The following COMMD10 variants were observed in gnomAD, a reference collection of about 807,000 sequenced individuals.
COMMD10 encodes the protein COMM domain containing 10.
A neutral mutation model predicts 28.9 loss-of-function variants in COMMD10; 33 were observed. The ratio of observed to expected loss-of-function variants is 1.14; its 90% CI spans 0.87 to 1.53. The LOEUF is 1.53. Ranked by LOEUF, COMMD10 falls within the 40% of genes most tolerant of loss-of-function variation. The pLI is 0.00. For synonymous variants in COMMD10, 110 were observed against 81.7 expected, an observed-to-expected ratio of 1.35 and a Z score of -1.87; for missense variants, 310 against 233.4, an observed-to-expected ratio of 1.33 and a Z score of -2.14.
intron 5 of COMMD10, among the ~76,000 whole-genome samples, chr5:116,230,919 C>T (rs1749513788): frequency 6.6e-6 from 1 of 152,050 alleles, no homozygotes; most frequent in Non-Finnish European, 1.5e-5. Context: ...CTGTCTTCCT[C>T]CTGGCTTTCC....
chr5:116,094,745 C>T (rs1394622049), intron 4 of COMMD10, among the ~76,000 whole-genome samples: 2 of 151,954 alleles, frequency 1.3e-5, no homozygotes, highest in Non-Finnish European at 2.9e-5. Flanking sequence ...ACACTGTTCA[C>T]AATAGCAAAG....
At chr5:116,281,825 C>G (rs1392391424) in intron 5 of COMMD10, among the ~76,000 whole-genome samples, 2 of 151,840 alleles carry the variant, frequency 1.3e-5, no homozygotes, top group African/African-American at 4.9e-5. Context: ...TGATATTCAA[C>G]ATTTATTGAA....
chr5:116,127,415 C>G (rs1751691999), intron 4 of COMMD10, among the ~76,000 whole-genome samples: 1 of 152,148 alleles, frequency 6.6e-6, no homozygotes, highest in South Asian at 2.1e-4. Flanking sequence ...ACCCAGCCAT[C>G]CCATTACTAG....
chr5:116,113,433 A>G (rs114248693), intron 4 of COMMD10, among the ~76,000 whole-genome samples: 1 of 146,274 alleles, frequency 6.8e-6, no homozygotes, highest in African/African-American at 2.6e-5. Context: ...AATACCAGTA[A>G]TTCATAAGTT....
At position 116,224,692 on chromosome 5, in the gene COMMD10, A is replaced by C. The variant is rs1237250700; in HGVS notation, c.511-66825A>C. ...CCCCAAGCCCCAAACACCTCCCTCT[A>C]GGCCCACCTCCAGCATTAGACATCC... On this transcript the variant is annotated intron_variant, in intron 5 of 6. Coordinates refer to ENST00000274458, the MANE Select transcript of COMMD10 (RefSeq NM_016144.4). Among the ~76,000 whole-genome samples, 4 of 152,294 alleles carry C rather than the reference A, an allele frequency of 2.6e-5. No individual in the cohort carries two copies. The East Asian group carries it at 7.7e-4, about 29-fold the overall frequency.
chr5:116,131,514 A>G (rs777002672), intron 4 of COMMD10, among the ~76,000 whole-genome samples: 10 of 152,006 alleles, frequency 6.6e-5, no homozygotes, highest in Non-Finnish European at 1.3e-4. Context: ...TGGAAATACA[A>G]CTTTTTTTCT....
chr5:116,248,728 A>C (rs1327166763), intron 5 of COMMD10, among the ~76,000 whole-genome samples: 1 of 151,894 alleles, frequency 6.6e-6, no homozygotes, highest in African/African-American at 2.4e-5. Flanking sequence ...TTCCTTTTCT[A>C]CCAACTTTAA....
At chr5:116,123,800 G>A (rs551343443) in intron 4 of COMMD10, among the ~76,000 whole-genome samples, 1 of 152,156 alleles carries the variant, frequency 6.6e-6, no homozygotes, top group Non-Finnish European at 1.5e-5. Context: ...AGTCTTGGGA[G>A]GGTGTATGTG....
At position 116,116,630 on chromosome 5, in the gene COMMD10, T is replaced by C. The variant is rs148981372; in HGVS notation, c.400-17438T>C. ...TATGCTTAAATTCACTGACTATACG[T>C]GGTTGTGAGCTTTAAATGCTGCTAT... is the stretch of plus-strand genomic sequence containing the variant. On this transcript the variant is annotated intron_variant, in intron 4 of 6. Transcript: ENST00000274458. 2.6e-3 allele frequency among the ~76,000 whole-genome samples: 400 copies of C among 152,250 alleles called. 1 individual carries two copies. The highest frequency in any genetic ancestry group is 4.7e-3 in the Non-Finnish European group (317 of 68,018).
intron 5 of COMMD10, among the ~76,000 whole-genome samples, chr5:116,170,590 A>G (rs984764466): frequency 1.3e-5 from 2 of 152,324 alleles, no homozygotes; most frequent in South Asian, 2.1e-4. Context: ...AAACTATACT[A>G]CAAGGCTACA....
chr5:116,128,051 T>G (rs556271923), intron 4 of COMMD10, among the ~76,000 whole-genome samples: 24 of 152,228 alleles, frequency 1.6e-4, no homozygotes, highest in African/African-American at 5.3e-4. Context: ...ATTCTTGCTG[T>G]GGGACATAGT....
At chr5:116,149,869 CA>C (rs1752461305) in intron 5 of COMMD10, among the ~76,000 whole-genome samples, 1 of 150,662 alleles carries the variant, frequency 6.6e-6, no homozygotes, top group Non-Finnish European at 1.5e-5. Context: ...AATTAGATCC[CA>C]TTTGTCAATT....
chr5:116,274,874 G>T lies in COMMD10; in HGVS notation c.511-16643G>T, dbSNP rs570827811. Among the ~76,000 whole-genome samples, 26 of 151,810 alleles carry T rather than the reference G, an allele frequency of 1.7e-4. No homozygotes were observed. In the East Asian group the frequency reaches 4.8e-3, roughly 28 times the overall value. ...TTGTGTTACTATAGCTCTAATTTCTGTCTGTTTTTCTCCCTCCTGAGCACT... is the reference window on the plus strand; with the variant it reads ...TTGTGTTACTATAGCTCTAATTTCTTTCTGTTTTTCTCCCTCCTGAGCACT... On this transcript the variant is annotated intron_variant, in intron 5 of 6. Coordinates refer to ENST00000274458, the MANE Select transcript of COMMD10 (RefSeq NM_016144.4).
chr5:116,220,377 A>C (rs972459516), intron 5 of COMMD10, among the ~76,000 whole-genome samples: 2 of 152,032 alleles, frequency 1.3e-5, no homozygotes, highest in African/African-American at 4.8e-5. Context: ...GTCACAGTAG[A>C]TGACTGAGAG....
At chr5:116,244,388 GTATT>G (rs1163633036) in intron 5 of COMMD10, among the ~76,000 whole-genome samples, 2 of 151,818 alleles carry the variant, frequency 1.3e-5, no homozygotes, top group African/African-American at 4.8e-5. Context: ...AATTCAGTAG[GTATT>G]TATTAGAAAT....
chr5:116,201,364 G>A (rs995462843), intron 5 of COMMD10, among the ~76,000 whole-genome samples: 1 of 152,140 alleles, frequency 6.6e-6, no homozygotes, highest in Non-Finnish European at 1.5e-5. Context: ...CAGAAGTGAG[G>A]AGCCTCCTTA....
At chr5:116,237,275 C>T (rs1259552231) in intron 5 of COMMD10, among the ~76,000 whole-genome samples, 2 of 152,068 alleles carry the variant, frequency 1.3e-5, no homozygotes, top group Non-Finnish European at 2.9e-5. Flanking sequence ...GGCTGCGTCA[C>T]TAGTCTAGAC....
Position 116,277,458 on chromosome 5 carries a change from T to C in COMMD10, c.511-14059T>C, listed in dbSNP as rs983989609. On this transcript the variant is annotated intron_variant, in intron 5 of 6. Coordinates refer to ENST00000274458, the MANE Select transcript of COMMD10 (RefSeq NM_016144.4). ...GAGGTTAAAATTTTCTTCTGGATAG[T>C]TACTGCCTTAAATTAACCACATATC... Among the ~76,000 whole-genome samples, 11 of 151,882 alleles carry C rather than the reference T, an allele frequency of 7.2e-5. 1 individual carries two copies. Among genetic ancestry groups the C allele is most frequent in the African/African-American group, 2.7e-4 (11 of 41,218 alleles).
At chr5:116,091,036 C>A in intron 2 of COMMD10, 43 bp from the exon 3 acceptor site, 1 of 1,176,900 alleles carries the variant, frequency 8.5e-7, no homozygotes, top group Non-Finnish European at 1.2e-6. Flanking sequence ...ATTTTGAATG[C>A]CTGAATATGT....
Sources: gnomAD v4.1 joint callset for allele counts (sites outside exome capture counted in the v4.1 genomes callset) on GRCh38, gnomAD v4.1.1 for gene constraint, MANE v1.5 for transcripts, NCBI Gene and HGNC (gene_info 2026-07-23, HGNC 2026-07-21) for gene names.